GLT6D1: variants seen among roughly 807,000 people sequenced by gnomAD.
The protein encoded by GLT6D1 is putative glycosyltransferase 6 domain-containing protein 1.
GLT6D1 carries 9 observed loss-of-function variants against 12.3 expected under a neutral mutation model. The observed-to-expected ratio is 0.73, with a 90% confidence interval of 0.44 to 1.27. GLT6D1 has a LOEUF of 1.27. Among genes scored for constraint, GLT6D1 ranks in the 50% most tolerant of loss-of-function variants. GLT6D1 has a pLI of 0.00. For missense variants in GLT6D1, 335 were observed against 346.2 expected (o/e 0.97, Z 0.26); for synonymous variants, 128 against 132.3 (o/e 0.97, Z 0.23).
At chr9:135,628,065 T>C (rs1393881812) in intron 3 of GLT6D1, among the ~76,000 whole-genome samples, 2 of 152,186 alleles carry the variant, frequency 1.3e-5, no homozygotes, top group Non-Finnish European at 2.9e-5. Flanking sequence ...TAAGAATTAT[T>C]TATATATTCT....
intron 2 of GLT6D1, 70 bp from the exon 3 acceptor site, chr9:135,631,548 G>T: frequency 8.4e-7 from 1 of 1,196,050 alleles, no homozygotes; most frequent in Non-Finnish European, 1.3e-6. Flanking sequence ...GTGATAGGCA[G>T]GCCCCGTTTG....
intron 4 of GLT6D1, 50 bp from the exon 5 acceptor site, chr9:135,624,720 CTTTCTT>C (rs1650154065): frequency 8.5e-6 from 7 of 820,472 alleles, no homozygotes; most frequent in African/African-American, 8.4e-5. Flanking sequence ...TTTTTCTTTT[CTTTCTT>C]TTTTTTTTTT....
chr9:135,640,237 C>A (rs936733254), upstream of GLT6D1, among the ~76,000 whole-genome samples: 1 of 152,154 alleles, frequency 6.6e-6, no homozygotes, highest in Non-Finnish European at 1.5e-5. Flanking sequence ...GTCTCAAAGT[C>A]AAACACAGTG....
chr9:135,624,715 CTTTTCTTTCTTT>C, intron 4 of GLT6D1, 45 bp from the exon 5 acceptor site: 1 of 846,536 alleles, frequency 1.2e-6, no homozygotes, highest in African/African-American at 1.9e-5. Context: ...TCTCTTTTTT[CTTTTCTTTCTTT>C]TTTTTTTTTT....
intron 3 of GLT6D1, among the ~76,000 whole-genome samples, chr9:135,628,380 C>T (rs1445650739): frequency 6.6e-6 from 1 of 152,004 alleles, no homozygotes; most frequent in Non-Finnish European, 1.5e-5. Flanking sequence ...CAGTGTATTA[C>T]ATTAATTGAT....
At chr9:135,632,849 G>A (rs1833680651) in intron 2 of GLT6D1, among the ~76,000 whole-genome samples, 1 of 152,058 alleles carries the variant, frequency 6.6e-6, no homozygotes, top group African/African-American at 2.4e-5. Flanking sequence ...TGTGTTTTTA[G>A]TAGAGATGTG....
intron 2 of GLT6D1, among the ~76,000 whole-genome samples, chr9:135,635,728 C>G (rs907000344): frequency 9.2e-5 from 14 of 152,232 alleles, no homozygotes; most frequent in African/African-American, 3.1e-4. Context: ...GAAATAGACA[C>G]TAACCTGTGC....
At chr9:135,631,996 C>T (rs1360836505) in intron 2 of GLT6D1, among the ~76,000 whole-genome samples, 5 of 152,118 alleles carry the variant, frequency 3.3e-5, no homozygotes, top group Non-Finnish European at 7.4e-5. Context: ...CCTCAACCTC[C>T]AAAGTATCTG....
intron 2 of GLT6D1, among the ~76,000 whole-genome samples, chr9:135,634,522 G>A (rs1833726274): frequency 1.1e-5 from 1 of 89,812 alleles, no homozygotes; most frequent in Non-Finnish European, 2.1e-5. Context: ...TTTATTTTTA[G>A]AGAAGATTCA....
chr9:135,634,062 A>C (rs1351815695), intron 2 of GLT6D1, among the ~76,000 whole-genome samples: 1 of 152,160 alleles, frequency 6.6e-6, no homozygotes, highest in East Asian at 1.9e-4. Flanking sequence ...CATCCTTTTC[A>C]TTAAGGTACA....
intron 2 of GLT6D1, among the ~76,000 whole-genome samples, chr9:135,636,082 C>T (rs561978438): frequency 9.2e-5 from 14 of 152,322 alleles, no homozygotes; most frequent in African/African-American, 3.1e-4. Flanking sequence ...CAGCTGGGCA[C>T]TGTGGCTCAC....
intron 4 of GLT6D1, among the ~76,000 whole-genome samples, chr9:135,625,282 G>A (rs770769571): frequency 2.0e-5 from 3 of 152,112 alleles, no homozygotes; most frequent in Admixed American, 2.0e-4. Flanking sequence ...GAGTCAAAAG[G>A]TTCCCACTGG....
intron 3 of GLT6D1, among the ~76,000 whole-genome samples, chr9:135,630,190 G>A (rs1833608591): frequency 6.6e-6 from 1 of 152,066 alleles, no homozygotes; most frequent in African/African-American, 2.4e-5. Context: ...TGGATCACGA[G>A]GTCAGGAGAT....
intron 4 of GLT6D1, among the ~76,000 whole-genome samples, chr9:135,625,689 G>A (rs932578405): frequency 1.3e-5 from 2 of 152,130 alleles, no homozygotes; most frequent in Admixed American, 6.5e-5. Context: ...CCACCCTAAA[G>A]AAAACACCTA....
Position 135,624,164 on chromosome 9 carries a change from T to A in GLT6D1, c.764A>T (p.Lys255Ile). The change falls in exon 5 of 5, where the codon AAA becomes ATA. Residue 255 changes from lysine to isoleucine, a missense_variant. Coordinates refer to ENST00000371763, the MANE Select transcript of GLT6D1 (RefSeq NM_182974.3). Reference sequence around the variant, plus strand: ...TTCATAAGTGCTATTGAGTCCATTTTTGATGTCATGAATAACTCCGTTCAG... The same window carrying A: ...TTCATAAGTGCTATTGAGTCCATTTATGATGTCATGAATAACTCCGTTCAG... Reference protein sequence around the residue: ...EYLNGVIHDIKNGLNSTYEKH... With the variant: ...EYLNGVIHDIINGLNSTYEKH... The A allele has an allele frequency of 2.5e-6, 4 of 1,613,782 alleles. No individual in the cohort carries two copies. Among genetic ancestry groups the A allele is most frequent in the Non-Finnish European group, 3.4e-6 (4 of 1,179,900 alleles).
chr9:135,637,657 C>A (rs1424742775), intron 2 of GLT6D1, among the ~76,000 whole-genome samples: 3 of 152,122 alleles, frequency 2.0e-5, no homozygotes, highest in Non-Finnish European at 2.9e-5. Flanking sequence ...GACTGAGCAT[C>A]TTGGCGTTCG....
At chr9:135,634,582 C>A (rs1314293716) in intron 2 of GLT6D1, among the ~76,000 whole-genome samples, 1 of 151,510 alleles carries the variant, frequency 6.6e-6, no homozygotes, top group East Asian at 1.9e-4. Flanking sequence ...CTGCACCAAC[C>A]CAGTTTTTCC....
intron 2 of GLT6D1, among the ~76,000 whole-genome samples, chr9:135,635,047 T>A (rs11103112): frequency 0.48 from 72,851 of 152,090 alleles, 17,919 homozygotes; most frequent in East Asian, 0.76. Flanking sequence ...TTCTTCTGCA[T>A]ATGGGAGATT....
intron 2 of GLT6D1, among the ~76,000 whole-genome samples, chr9:135,632,389 A>T (rs938245454): frequency 6.6e-6 from 1 of 152,114 alleles, no homozygotes; most frequent in African/African-American, 2.4e-5. Context: ...TGACTTCAAG[A>T]CTGTCCGTCC....
Sources: gnomAD v4.1 joint callset for allele counts (sites outside exome capture counted in the v4.1 genomes callset) on GRCh38, gnomAD v4.1.1 for gene constraint, MANE v1.5 for transcripts, NCBI Gene and HGNC (gene_info 2026-07-23, HGNC 2026-07-21) for gene names.